Variants in LRRTM3 observed in about 807,000 individuals in gnomAD.
The protein encoded by LRRTM3 is leucine rich repeat transmembrane neuronal 3.
In LRRTM3, 24 loss-of-function variants were observed where a neutral mutation model predicts 44.7. The ratio of observed to expected loss-of-function variants is 0.54; its 90% CI spans 0.39 to 0.76. LRRTM3 has a LOEUF of 0.76. LRRTM3 is among the 30% of genes least tolerant of loss of function. The pLI is 0.00. For missense variants in LRRTM3, 587 were observed against 702.2 expected, an observed-to-expected ratio of 0.84 and a Z score of 1.85; for synonymous variants, 277 against 278.7, an observed-to-expected ratio of 0.99 and a Z score of 0.06.
chr10:67,022,720 G>A (rs1205456860), intron 2 of LRRTM3, among the ~76,000 whole-genome samples: 4 of 152,108 alleles, frequency 2.6e-5, no homozygotes, highest in African/African-American at 7.2e-5. Context: ...GGCAGATCAT[G>A]AGGTCAGGAG....
At chr10:67,075,634 G>A (rs1376163542) in intron 2 of LRRTM3, among the ~76,000 whole-genome samples, 1 of 152,170 alleles carries the variant, frequency 6.6e-6, no homozygotes. Flanking sequence ...CCTACCACTA[G>A]GAGGAAAAGG....
chr10:67,053,434 C>T (rs762702778), intron 2 of LRRTM3, among the ~76,000 whole-genome samples: 7 of 152,074 alleles, frequency 4.6e-5, no homozygotes, highest in African/African-American at 7.2e-5. Context: ...TTATAATGTA[C>T]TCAAAACCAA....
intron 2 of LRRTM3, among the ~76,000 whole-genome samples, chr10:67,080,323 C>A (rs891036815): frequency 1.3e-5 from 2 of 152,074 alleles, no homozygotes; most frequent in Non-Finnish European, 2.9e-5. Context: ...CTACCTTTCA[C>A]AGAGAATCTG....
chr10:67,031,000 G>A (rs112756470), intron 2 of LRRTM3, among the ~76,000 whole-genome samples: 2,135 of 152,010 alleles, frequency 0.014, 39 homozygotes, highest in African/African-American at 0.039. Context: ...GCGAAACTCC[G>A]TCTCAAAAAA....
intron 2 of LRRTM3, among the ~76,000 whole-genome samples, chr10:66,992,919 C>T (rs1408534100): frequency 6.6e-6 from 1 of 151,958 alleles, no homozygotes; most frequent in East Asian, 1.9e-4. Context: ...TATCCCGGTA[C>T]TATTATTATA....
chr10:67,070,293 G>A (rs1229544972), intron 2 of LRRTM3, among the ~76,000 whole-genome samples: 4 of 151,962 alleles, frequency 2.6e-5, no homozygotes, highest in Non-Finnish European at 4.4e-5. Context: ...TATGTAATCT[G>A]AATGAGTCAT....
At chr10:66,999,776 T>G (rs1851572337) in intron 2 of LRRTM3, among the ~76,000 whole-genome samples, 1 of 152,188 alleles carries the variant, frequency 6.6e-6, no homozygotes, top group African/African-American at 2.4e-5. Context: ...TTAGTTGAAT[T>G]TTATATCACT....
intron 2 of LRRTM3, among the ~76,000 whole-genome samples, chr10:67,073,840 A>G (rs1208905937): frequency 6.6e-6 from 1 of 152,206 alleles, no homozygotes; most frequent in Non-Finnish European, 1.5e-5. Context: ...TTGTTTCACA[A>G]TTACCTGAAT....
intron 2 of LRRTM3, among the ~76,000 whole-genome samples, chr10:66,943,961 G>A (rs1848153813): frequency 6.6e-6 from 1 of 152,138 alleles, no homozygotes; most frequent in Admixed American, 6.5e-5. Flanking sequence ...TGCTGGTGTA[G>A]GGTCTTTCCT....
At chr10:67,071,263 G>T (rs887134627) in intron 2 of LRRTM3, among the ~76,000 whole-genome samples, 5 of 149,214 alleles carry the variant, frequency 3.4e-5, no homozygotes, top group Non-Finnish European at 3.0e-5. Flanking sequence ...AATTCCCTTT[G>T]GTATTCCTTT....
At chr10:66,985,575 C>T (rs891646766) in intron 2 of LRRTM3, among the ~76,000 whole-genome samples, 2 of 152,062 alleles carry the variant, frequency 1.3e-5, no homozygotes, top group African/African-American at 4.8e-5. Flanking sequence ...TAAGGCAGAC[C>T]AACGACAGAG....
chr10:67,057,457 ACT>A (rs893959558), intron 2 of LRRTM3, among the ~76,000 whole-genome samples: 1 of 151,262 alleles, frequency 6.6e-6, no homozygotes, highest in African/African-American at 2.4e-5. Context: ...CTACCCTTCT[ACT>A]CTCTGCTTCT....
At chr10:67,003,441 C>CA (rs916521491) in intron 2 of LRRTM3, among the ~76,000 whole-genome samples, 2 of 151,974 alleles carry the variant, frequency 1.3e-5, no homozygotes, top group African/African-American at 2.4e-5. Context: ...GGATATTGCT[C>CA]AAAAAAATCA....
At chr10:66,991,354 C>T (rs948254265) in intron 2 of LRRTM3, among the ~76,000 whole-genome samples, 1 of 152,028 alleles carries the variant, frequency 6.6e-6, no homozygotes, top group Non-Finnish European at 1.5e-5. Context: ...TAAGATAATC[C>T]TTTTTAAAAT....
Position 67,010,782 on chromosome 10 carries a change from A to G in LRRTM3, c.1536+82330A>G, listed in dbSNP as rs547501754. On this transcript the variant is annotated intron_variant, in intron 2 of 2. Transcript: ENST00000361320. ...CCCAAATGCTGAACTCCTCCACAGA[A>G]AGGATTTGAGCATATCCATATTTGT... Among the ~76,000 whole-genome samples the G allele has an allele frequency of 5.9e-5, 9 of 152,308 alleles. No individual in the cohort carries two copies. In the South Asian group the frequency reaches 1.9e-3, roughly 32 times the overall value.
chr10:67,057,110 T>C (rs1475783732), intron 2 of LRRTM3, among the ~76,000 whole-genome samples: 1 of 152,210 alleles, frequency 6.6e-6, no homozygotes, highest in Non-Finnish European at 1.5e-5. Flanking sequence ...TAAAACATTG[T>C]CTTTCAATTT....
rs1231568635 is a variant in LRRTM3, at chr10:67,101,170, G to A, written c.*3374G>A. On this transcript the variant is annotated 3_prime_UTR_variant, in exon 3 of 3. Transcript: ENST00000361320. ...GAACAGATGCTCCCAAGATGTGGAT[G>A]CATGTAGGCCCCGAGGTACAGACAT... Among the ~76,000 whole-genome samples the A allele has an allele frequency of 1.3e-5, 2 of 151,648 alleles. No individual in the cohort carries two copies. The highest frequency in any genetic ancestry group is 3.0e-5 in the Non-Finnish European group (2 of 67,754).
chr10:67,015,350 A>C (rs1852593300), intron 2 of LRRTM3: 1 of 152,176 alleles, frequency 6.6e-6, no homozygotes, highest in Non-Finnish European at 1.5e-5. Flanking sequence ...ATGTATGTGC[A>C]TGCACATGAG....
At chr10:67,030,311 C>G (rs7894887) in intron 2 of LRRTM3, among the ~76,000 whole-genome samples, 53,695 of 151,986 alleles carry the variant, frequency 0.35, 11,219 homozygotes, top group East Asian at 0.51. Context: ...CTAAAGCAAT[C>G]TGCATATGCT....
Sources: allele counts gnomAD v4.1 joint callset (sites outside exome capture counted in the v4.1 genomes callset), GRCh38; gene constraint gnomAD v4.1.1; transcripts MANE v1.5; gene names NCBI Gene and HGNC (gene_info 2026-07-23, HGNC 2026-07-21).